The following PCDHGB7 variants were observed in gnomAD, a reference collection of about 807,000 sequenced individuals.
The protein encoded by PCDHGB7 is protocadherin gamma subfamily B, 7.
PCDHGB7 carries 37 observed loss-of-function variants against 61.4 expected under a neutral mutation model. That is an observed-to-expected ratio of 0.60 (90% CI 0.46 to 0.79). The LOEUF (loss-of-function observed/expected upper bound fraction) is 0.79. Among genes scored for constraint, PCDHGB7 ranks in the 30% least tolerant of loss-of-function variants. PCDHGB7 has a pLI of 0.00. For synonymous variants in PCDHGB7, 464 were observed against 503.5 expected, an observed-to-expected ratio of 0.92 and a Z score of 1.05; for missense variants, 1,166 against 1,202.5, an observed-to-expected ratio of 0.97 and a Z score of 0.45.
At chr5:141,456,352 C>T (rs1253586137) in intron 1 of PCDHGB7, among the ~76,000 whole-genome samples, 1 of 152,050 alleles carries the variant, frequency 6.6e-6, no homozygotes, top group Non-Finnish European at 1.5e-5. Flanking sequence ...GGAAGAATGG[C>T]GTCCATGTGT....
intron 1 of PCDHGB7, chr5:141,422,368 G>A: frequency 1.9e-6 from 3 of 1,565,294 alleles, no homozygotes; most frequent in Non-Finnish European, 2.6e-6. Context: ...TGGAGAAAAT[G>A]GTCAAGTCTC....
At chr5:141,499,908 G>T (rs903753761) in intron 2 of PCDHGB7, among the ~76,000 whole-genome samples, 1 of 151,980 alleles carries the variant, frequency 6.6e-6, no homozygotes, top group African/African-American at 2.4e-5. Flanking sequence ...GGCTGGTCTT[G>T]AACTCCTGGC....
At chr5:141,462,235 C>T (rs1389326284) in intron 1 of PCDHGB7, among the ~76,000 whole-genome samples, 1 of 152,206 alleles carries the variant, frequency 6.6e-6, no homozygotes, top group African/African-American at 2.4e-5. Flanking sequence ...GCAGGGATTA[C>T]AGGTATGAGC....
chr5:141,490,149 T>C lies in PCDHGB7; in HGVS notation c.2416-4658T>C. The C allele has an allele frequency of 1.9e-6, 3 of 1,614,188 alleles. No individual in the cohort carries two copies. The highest frequency in any genetic ancestry group is 2.7e-5 in the African/African-American group (2 of 75,050). On this transcript the variant is annotated intron_variant, in intron 1 of 3. Coordinates refer to ENST00000398594, the MANE Select transcript of PCDHGB7 (RefSeq NM_018927.4). This position sits in a 1 kb window ranked among gnomAD's most constrained non-coding sequence, Gnocchi z 5.4. ...TAGACCCTAGCAGTGGGGCAATCCA[T>C]GTGTTGGGTCCCATAGACTTTGAGG... is the stretch of plus-strand genomic sequence containing the variant.
chr5:141,432,133 C>G lies in PCDHGB7; in HGVS notation c.2415+11859C>G. ...CGGTCTTCCCTCAGGCCTCCTATTC[C>G]GCTTATATCCCAGAGAACAATCCCA... On this transcript the variant is annotated intron_variant, in intron 1 of 3. Transcript: ENST00000398594. The surrounding 1 kb of genome is among the most constrained non-coding windows in gnomAD (Gnocchi z 6.0). 1 of 1,614,142 alleles carries G rather than the reference C, an allele frequency of 6.2e-7. No homozygotes were observed. The highest frequency in any genetic ancestry group is 1.1e-5 in the South Asian group (1 of 91,070).
chr5:141,422,541 T>C (rs1389095817), intron 1 of PCDHGB7: 1 of 1,613,992 alleles, frequency 6.2e-7, no homozygotes. Context: ...CAGAAACTCA[T>C]GTCTGGCTGA....
rs1379023118 is a variant in PCDHGB7, at chr5:141,487,609, G to A, written c.2416-7198G>A. ...GCCCACCCTCTGATCTTCTCTATGG[G>A]CTAGAGGTGAGACCTTTGCAGGCTC... On this transcript the variant is annotated intron_variant, in intron 1 of 3. Transcript: ENST00000398594. The surrounding 1 kb of genome is among the most constrained non-coding windows in gnomAD (Gnocchi z 5.0). 1 of 1,614,202 alleles carries A rather than the reference G, an allele frequency of 6.2e-7. No individual in the cohort carries two copies. The highest frequency in any genetic ancestry group is 1.1e-5 in the South Asian group (1 of 91,084).
At chr5:141,442,309 G>C (rs1483682583) in intron 1 of PCDHGB7, 1 of 152,418 alleles carries the variant, frequency 6.6e-6, no homozygotes, top group Non-Finnish European at 1.5e-5. Flanking sequence ...TCTTTCCCAC[G>C]GATGTCTATC....
chr5:141,509,477 G>A (rs753058277), intron 3 of PCDHGB7, among the ~76,000 whole-genome samples: 7 of 152,166 alleles, frequency 4.6e-5, no homozygotes, highest in African/African-American at 7.2e-5. Context: ...CAGGTGAGGG[G>A]TAGAGGTGAT....
intron 1 of PCDHGB7, chr5:141,478,713 G>A (rs745990290): frequency 1.9e-6 from 3 of 1,546,642 alleles, no homozygotes; most frequent in African/African-American, 2.7e-5. Context: ...TTGTGAGATG[G>A]TGGCCTGCCA....
chr5:141,456,434 G>A (rs1418917805), intron 1 of PCDHGB7, among the ~76,000 whole-genome samples: 1 of 152,108 alleles, frequency 6.6e-6, no homozygotes, highest in Non-Finnish European at 1.5e-5. Flanking sequence ...TTATAGTATT[G>A]AGTATACAGA....
At chr5:141,463,265 A>G (rs2099055701) in intron 1 of PCDHGB7, among the ~76,000 whole-genome samples, 1 of 151,998 alleles carries the variant, frequency 6.6e-6, no homozygotes, top group African/African-American at 2.4e-5. Flanking sequence ...ACTCTATCCC[A>G]TAAATTCTGG....
chr5:141,423,317 C>T, intron 1 of PCDHGB7: 4 of 1,614,118 alleles, frequency 2.5e-6, no homozygotes, highest in Non-Finnish European at 3.4e-6. Flanking sequence ...TTGGTGGTGG[C>T]GGTGGCCGCA....
chr5:141,432,717 C>T lies in PCDHGB7; in HGVS notation c.2415+12443C>T. On this transcript the variant is annotated intron_variant, in intron 1 of 3. Transcript: ENST00000398594. The surrounding 1 kb of genome is among the most constrained non-coding windows in gnomAD (Gnocchi z 6.0). ...GCCGTCCAGGACCACGGCCAGCCCC[C>T]TCTCTCCGCCACTGTCACGCTCACC... 1 of 1,614,030 alleles carries T rather than the reference C, an allele frequency of 6.2e-7. No individual in the cohort carries two copies. Among genetic ancestry groups the T allele is most frequent in the Non-Finnish European group, 8.5e-7 (1 of 1,179,978 alleles).
chr5:141,458,624 C>G (rs1382508302), intron 1 of PCDHGB7, among the ~76,000 whole-genome samples: 1 of 152,082 alleles, frequency 6.6e-6, no homozygotes, highest in East Asian at 1.9e-4. Context: ...GGCTGGAGTG[C>G]AGTGGCACAA....
Position 141,485,330 on chromosome 5 carries a change from C to T in PCDHGB7, c.2416-9477C>T. On this transcript the variant is annotated intron_variant, in intron 1 of 3. Transcript: ENST00000398594. This position sits in a 1 kb window ranked among gnomAD's most constrained non-coding sequence, Gnocchi z 5.7. ...TGTAGGGAATGTCGCTCAAGATTTC[C>T]TGCTGGATACGGACAGTCTGTCAGC... 6.2e-7 allele frequency: 1 copy of T among 1,614,164 alleles called. No individual in the cohort carries two copies. Among genetic ancestry groups the T allele is most frequent in the East Asian group, 2.2e-5 (1 of 44,862 alleles).
chr5:141,476,233 G>A lies in PCDHGB7; in HGVS notation c.2416-18574G>A, dbSNP rs1162067190. ...CGGTCATTCACTATGAGATCCCGGA[G>A]GAAAGAGAGAAGGGTTTCGCTGTGG... On this transcript the variant is annotated intron_variant, in intron 1 of 3. Coordinates refer to ENST00000398594, the MANE Select transcript of PCDHGB7 (RefSeq NM_018927.4). The surrounding 1 kb of genome is among the most constrained non-coding windows in gnomAD (Gnocchi z 7.6). The A allele has an allele frequency of 3.1e-6, 5 of 1,613,996 alleles. No homozygotes were observed. Among genetic ancestry groups the A allele is most frequent in the African/African-American group, 2.7e-5 (2 of 74,894 alleles).
chr5:141,442,725 G>A (rs1381140725), intron 1 of PCDHGB7, among the ~76,000 whole-genome samples: 1 of 152,198 alleles, frequency 6.6e-6, no homozygotes, highest in Admixed American at 6.5e-5. Flanking sequence ...AGCATTTGGG[G>A]CCTGTAGGTA....
At chr5:141,484,399 CCGCTGTGTCT>C (rs1488164183) in intron 1 of PCDHGB7, among the ~76,000 whole-genome samples, 4 of 152,186 alleles carry the variant, frequency 2.6e-5, no homozygotes, top group Non-Finnish European at 4.4e-5. Context: ...GGTTTGGTTT[CCGCTGTGTCT>C]CCTGTTACAA....
Sources: allele counts gnomAD v4.1 joint callset (sites outside exome capture counted in the v4.1 genomes callset), GRCh38; gene constraint gnomAD v4.1.1; non-coding constraint Gnocchi (gnomAD v3.1); transcripts MANE v1.5; gene names NCBI Gene and HGNC (gene_info 2026-07-23, HGNC 2026-07-21).